ABCB11: variants seen among roughly 807,000 people sequenced by gnomAD.
ABCB11 encodes the protein bile salt export pump.
ABCB11 carries 95 observed loss-of-function variants against 148.0 expected under a neutral mutation model. The observed-to-expected ratio is 0.64, with a 90% CI of 0.54 to 0.76. The LOEUF (loss-of-function observed/expected upper bound fraction) is 0.76. ABCB11 is among the 30% of genes least tolerant of loss of function. ABCB11 has a pLI of 0.00. For synonymous variants in ABCB11, 591 were observed against 555.4 expected (o/e 1.06, Z -0.90); for missense variants, 1,523 against 1,617.8 (o/e 0.94, Z 1.01).
intron 11 of ABCB11, among the ~76,000 whole-genome samples, chr2:168,978,833 C>T (rs904036285): frequency 1.3e-5 from 2 of 152,146 alleles, no homozygotes; most frequent in Non-Finnish European, 2.9e-5. Flanking sequence ...GATCCTCCCA[C>T]CTCAGCCTCT....
downstream of ABCB11, among the ~76,000 whole-genome samples, chr2:168,918,177 G>A (rs901051073): frequency 9.9e-5 from 15 of 152,228 alleles, no homozygotes; most frequent in Non-Finnish European, 1.6e-4. Context: ...CTTACGTGGG[G>A]GCTGACAAGT....
chr2:168,928,939 A>C (rs503931), intron 25 of ABCB11, among the ~76,000 whole-genome samples: 71,854 of 152,014 alleles, frequency 0.47, 18,438 homozygotes, highest in South Asian at 0.66. Context: ...GGATTCTGTC[A>C]ATTTCTGTTT....
At chr2:168,981,826 T>G (rs1377470322) in intron 10 of ABCB11, among the ~76,000 whole-genome samples, 3 of 152,164 alleles carry the variant, frequency 2.0e-5, no homozygotes, top group African/African-American at 7.2e-5. Context: ...AAAGCAGCCA[T>G]AGACATATGT....
intron 18 of ABCB11, among the ~76,000 whole-genome samples, chr2:168,959,607 C>A (rs557854655): frequency 1.3e-5 from 2 of 151,522 alleles, no homozygotes; most frequent in African/African-American, 2.4e-5. Context: ...TACCTTCATT[C>A]GGGTTATTTT....
intron 21 of ABCB11, among the ~76,000 whole-genome samples, chr2:168,940,040 T>C (rs2105904804): frequency 6.6e-6 from 1 of 152,180 alleles, no homozygotes; most frequent in East Asian, 1.9e-4. Context: ...TCTCTCTCTT[T>C]CTATCCTCAG....
chr2:168,930,655 C>A lies in ABCB11; in HGVS notation c.3411+10G>T. On this transcript the variant is annotated intron_variant, in intron 25 of 27. Transcript: ENST00000650372. ...GAAGGCAAAATTCTCAAAAAGGTTG[C>A]GTGGCTTACCACCTTCCCTTGATCA... 6.7e-7 allele frequency: 1 copy of A among 1,485,570 alleles called. No individual in the cohort carries two copies. 92.0% of individuals were successfully genotyped at this position (1,485,570 alleles called of 1,614,324 possible).
At chr2:168,967,043 G>A (rs2105952667) in intron 17 of ABCB11, among the ~76,000 whole-genome samples, 1 of 151,822 alleles carries the variant, frequency 6.6e-6, no homozygotes, top group Non-Finnish European at 1.5e-5. Flanking sequence ...TTTCTTGTTG[G>A]CCTGATCATA....
intron 10 of ABCB11, among the ~76,000 whole-genome samples, chr2:168,981,360 T>C (rs529909604): frequency 5.3e-5 from 8 of 152,126 alleles, no homozygotes; most frequent in Non-Finnish European, 8.8e-5. Flanking sequence ...TCTCTTCATT[T>C]CCTTGTCCTC....
intron 21 of ABCB11, among the ~76,000 whole-genome samples, chr2:168,939,001 C>CA (rs2105903237): frequency 6.6e-6 from 1 of 151,830 alleles, no homozygotes; most frequent in African/African-American, 2.4e-5. Flanking sequence ...ACTATCCTTC[C>CA]AGATCAATAT....
intron 18 of ABCB11, among the ~76,000 whole-genome samples, chr2:168,958,947 T>G (rs1692926912): frequency 6.6e-6 from 1 of 151,748 alleles, no homozygotes; most frequent in Non-Finnish European, 1.5e-5. Flanking sequence ...TATATAGATT[T>G]GTATTGATTT....
At chr2:168,927,447 C>T in intron 25 of ABCB11, 85 bp from the exon 26 acceptor site, 1 of 1,167,150 alleles carries the variant, frequency 8.6e-7, no homozygotes, top group East Asian at 2.5e-5. Context: ...AGGTGTTATG[C>T]AGGACATTTG....
chr2:168,935,869 T>C lies in ABCB11; in HGVS notation c.2814+361A>G, dbSNP rs80115664. ...ATAGCTCCTGTGTGTGTGGAAAGCA[T>C]GGCTCAGGGGAACCATTAAATTGCA... On this transcript the variant is annotated intron_variant, in intron 22 of 27. Transcript: ENST00000650372. Among the ~76,000 whole-genome samples, 908 of 152,326 alleles carry C rather than the reference T, an allele frequency of 6.0e-3. 6 individuals carry two copies. The highest frequency in any genetic ancestry group is 0.021 in the African/African-American group (866 of 41,572).
intron 12 of ABCB11, among the ~76,000 whole-genome samples, chr2:168,974,825 A>T (rs1693745525): frequency 6.6e-6 from 1 of 151,800 alleles, no homozygotes; most frequent in Non-Finnish European, 1.5e-5. Flanking sequence ...TTTGTAATTC[A>T]TAGCTTACAA....
chr2:168,942,523 A>T (rs929610612), intron 21 of ABCB11, among the ~76,000 whole-genome samples: 2 of 151,940 alleles, frequency 1.3e-5, no homozygotes, highest in African/African-American at 4.8e-5. Flanking sequence ...AAAAAATAGA[A>T]AGAATTAATA....
chr2:169,000,864 G>C (rs1694849776), intron 5 of ABCB11, among the ~76,000 whole-genome samples: 3 of 151,520 alleles, frequency 2.0e-5, no homozygotes, highest in Admixed American at 2.0e-4. Flanking sequence ...TTTCTTTCTT[G>C]TTTTCTATTT....
chr2:168,923,873 G>A (rs373348455), intron 27 of ABCB11, 51 bp from the exon 28 acceptor site: 135 of 1,569,492 alleles, frequency 8.6e-5, no homozygotes, highest in Non-Finnish European at 1.1e-4. Context: ...TTGCTCCCCA[G>A]CCCACCATCA....
intron 16 of ABCB11, among the ~76,000 whole-genome samples, chr2:168,968,790 C>A (rs1215801824): frequency 2.0e-5 from 3 of 148,226 alleles, no homozygotes; most frequent in South Asian, 2.1e-4. Flanking sequence ...TCAGAAGTAG[C>A]AAAAAAAAAA....
At position 168,944,498 on chromosome 2, in the gene ABCB11, C is replaced by T. The variant is rs575962775; in HGVS notation, c.2610+107G>A. ...AAATGTGGCTTTAGGATATCCCAAT[C>T]CCACTGGTCCCTATTCCATAGAAAA... On this transcript the variant is annotated intron_variant, in intron 21 of 27. Coordinates refer to ENST00000650372, the MANE Select transcript of ABCB11 (RefSeq NM_003742.4). 4.8e-6 allele frequency: 6 copies of T among 1,246,028 alleles called. No homozygotes were observed. The African/African-American group carries it at 7.6e-5, about 16-fold the overall frequency. 77.2% of individuals were successfully genotyped at this position (1,246,028 alleles called of 1,614,324 possible). A position where few individuals can be genotyped will look rare whatever the true frequency, so the allele number is the denominator to read the frequency against.
intron 10 of ABCB11, among the ~76,000 whole-genome samples, chr2:168,985,543 A>G (rs1211505463): frequency 2.6e-5 from 4 of 152,134 alleles, no homozygotes; most frequent in Non-Finnish European, 5.9e-5. Context: ...TGATATATAT[A>G]TAACATATAT....
Sources: gnomAD v4.1 joint callset for allele counts (sites outside exome capture counted in the v4.1 genomes callset) on GRCh38, gnomAD v4.1.1 for gene constraint, MANE v1.5 for transcripts, NCBI Gene and HGNC (gene_info 2026-07-23, HGNC 2026-07-21) for gene names.